HCN1: variants seen among roughly 807,000 people sequenced by gnomAD.
The protein encoded by HCN1 is hyperpolarization activated cyclic nucleotide gated potassium channel 1, also known as potassium/sodium hyperpolarization-activated cyclic nucleotide-gated channel 1.
HCN1 carries 13 observed loss-of-function variants against 78.9 expected under a neutral mutation model. The observed-to-expected ratio is 0.16, with a 90% confidence interval of 0.11 to 0.26. The LOEUF is 0.26. Among genes scored for constraint, HCN1 ranks in the 10% least tolerant of loss-of-function variants. HCN1 has a pLI of 1.00. For missense variants in HCN1, 810 were observed against 1,154.3 expected, an observed-to-expected ratio of 0.70 and a Z score of 4.32; for synonymous variants, 552 against 455.5, an observed-to-expected ratio of 1.21 and a Z score of -2.70.
chr5:45,488,896 A>G (rs1741824440), intron 2 of HCN1, among the ~76,000 whole-genome samples: 1 of 152,188 alleles, frequency 6.6e-6, no homozygotes, highest in Admixed American at 6.6e-5. Context: ...TTCAAAGCTC[A>G]CCTGAAGGGC....
rs191923458 is a variant in HCN1 at position 45,560,450 on chromosome 5, A to T, written c.849+84735T>A. Among the ~76,000 whole-genome samples the T allele has an allele frequency of 2.0e-4, 31 of 152,208 alleles. 1 individual carries two copies. In the East Asian group the frequency reaches 6.0e-3, roughly 29 times the overall value. ...TATTTCATAGCTCATCATTATGTAG[A>T]TAATTATAAATAGGCATTTCATAAG... On this transcript the variant is annotated intron_variant, in intron 2 of 7. Transcript: ENST00000303230.
intron 5 of HCN1, among the ~76,000 whole-genome samples, chr5:45,327,979 AT>A (rs1746269301): frequency 6.6e-6 from 1 of 151,648 alleles, no homozygotes; most frequent in South Asian, 2.1e-4. Flanking sequence ...TAAAAAACTA[AT>A]ACAGCAAGTT....
At chr5:45,350,419 T>C (rs1194388279) in intron 5 of HCN1, among the ~76,000 whole-genome samples, 3 of 152,168 alleles carry the variant, frequency 2.0e-5, no homozygotes, top group Non-Finnish European at 4.4e-5. Context: ...GCCAATATCA[T>C]ACTGAGTGGG....
intron 3 of HCN1, among the ~76,000 whole-genome samples, 179 bp from the exon 4 acceptor site, chr5:45,396,889 C>T (rs1445285190): frequency 1.3e-5 from 2 of 152,146 alleles, no homozygotes; most frequent in Non-Finnish European, 2.9e-5. Flanking sequence ...TCAAATCTTT[C>T]TTACTATGAT....
At chr5:45,691,937 C>T (rs1325043524) in intron 1 of HCN1, among the ~76,000 whole-genome samples, 2 of 152,050 alleles carry the variant, frequency 1.3e-5, no homozygotes, top group Non-Finnish European at 2.9e-5. Flanking sequence ...ACAAAATAAG[C>T]TTTTCACACA....
intron 2 of HCN1, among the ~76,000 whole-genome samples, chr5:45,570,001 C>A (rs1743791797): frequency 6.6e-6 from 1 of 151,948 alleles, no homozygotes; most frequent in Non-Finnish European, 1.5e-5. Context: ...TAAAAGCTAC[C>A]AAATGACTGA....
At chr5:45,430,573 T>G (rs1330383530) in intron 3 of HCN1, among the ~76,000 whole-genome samples, 1 of 152,168 alleles carries the variant, frequency 6.6e-6, no homozygotes, top group Non-Finnish European at 1.5e-5. Flanking sequence ...ATTAGTTAAC[T>G]TAGGATAATG....
intron 4 of HCN1, among the ~76,000 whole-genome samples, chr5:45,356,037 G>A (rs918516029): frequency 1.5e-4 from 23 of 151,930 alleles, no homozygotes; most frequent in Non-Finnish European, 2.9e-4. Context: ...TCCATGTGAT[G>A]TGAATAAAAA....
intron 5 of HCN1, among the ~76,000 whole-genome samples, chr5:45,323,656 C>A (rs899268053): frequency 6.6e-6 from 1 of 151,910 alleles, no homozygotes; most frequent in Non-Finnish European, 1.5e-5. Context: ...TGTTGCTGTG[C>A]TGCACCCATT....
chr5:45,423,082 G>A (rs1019755310), intron 3 of HCN1, among the ~76,000 whole-genome samples: 6 of 152,010 alleles, frequency 3.9e-5, no homozygotes, highest in Admixed American at 1.3e-4. Flanking sequence ...AAATGCATGA[G>A]GTGATGGATA....
At chr5:45,278,127 G>A (rs1048728412) in intron 6 of HCN1, among the ~76,000 whole-genome samples, 1 of 152,024 alleles carries the variant, frequency 6.6e-6, no homozygotes, top group Admixed American at 6.6e-5. Context: ...CCCCCTGAGT[G>A]CCTGACTCAT....
intron 2 of HCN1, among the ~76,000 whole-genome samples, chr5:45,617,864 C>T (rs899914551): frequency 1.9e-4 from 29 of 152,040 alleles, no homozygotes; most frequent in African/African-American, 5.8e-4. Context: ...TAAAAAAAGA[C>T]ATTCCAATGA....
chr5:45,407,930 G>A (rs1304488126), intron 3 of HCN1, among the ~76,000 whole-genome samples: 2 of 152,100 alleles, frequency 1.3e-5, no homozygotes, highest in Non-Finnish European at 2.9e-5. Context: ...CTGACCCTGT[G>A]TAAGCCTAGG....
chr5:45,592,448 A>T (rs566208911), intron 2 of HCN1, among the ~76,000 whole-genome samples: 1 of 152,300 alleles, frequency 6.6e-6, no homozygotes, highest in Admixed American at 6.5e-5. Context: ...TATTAGAGAA[A>T]GAAAACAAAT....
chr5:45,687,114 TTTACC>T (rs1453893540), intron 1 of HCN1, among the ~76,000 whole-genome samples: 1 of 152,208 alleles, frequency 6.6e-6, no homozygotes, highest in African/African-American at 2.4e-5. Flanking sequence ...TACATCGTCA[TTTACC>T]TTAAAGTATT....
At chr5:45,294,521 C>T (rs530562996) in intron 6 of HCN1, among the ~76,000 whole-genome samples, 8 of 151,314 alleles carry the variant, frequency 5.3e-5, no homozygotes, top group South Asian at 2.1e-4. Context: ...AACACTTTGG[C>T]GTGGAAAGAT....
chr5:45,376,104 GT>G (rs1483134567), intron 4 of HCN1, among the ~76,000 whole-genome samples: 1 of 103,262 alleles, frequency 9.7e-6, no homozygotes, highest in Non-Finnish European at 1.7e-5. Context: ...ATAATATAAT[GT>G]TTTATAATAT....
intron 5 of HCN1, among the ~76,000 whole-genome samples, chr5:45,304,791 T>C (rs1745695325): frequency 6.6e-6 from 1 of 152,160 alleles, no homozygotes; most frequent in Admixed American, 6.5e-5. Flanking sequence ...AGAGAGGACA[T>C]ATTTGCCTTT....
chr5:45,489,673 T>C lies in HCN1; in HGVS notation c.850-27666A>G, dbSNP rs570590850. ...AGTAAAGGCACCAAAGTATTTAGCA[T>C]GGTCAGCTTATAACGAGTCAATCTA... On this transcript the variant is annotated intron_variant, in intron 2 of 7. Transcript: ENST00000303230. Among the ~76,000 whole-genome samples the C allele has an allele frequency of 2.0e-5, 3 of 152,290 alleles. No homozygotes were observed. The East Asian group carries it at 5.8e-4, about 29-fold the overall frequency.
Sources: allele counts gnomAD v4.1 joint callset (sites outside exome capture counted in the v4.1 genomes callset), GRCh38; gene constraint gnomAD v4.1.1; transcripts MANE v1.5; gene names NCBI Gene and HGNC (gene_info 2026-07-23, HGNC 2026-07-21).